Variants in KAZN observed in about 807,000 individuals in gnomAD.
KAZN encodes kazrin.
In KAZN, 40 loss-of-function variants were observed where a neutral mutation model predicts 87.4. That is an observed-to-expected ratio of 0.46 (90% CI 0.36 to 0.60). The LOEUF is 0.60. KAZN is among the 20% of genes least tolerant of loss of function. KAZN has a pLI of 0.00. For missense variants in KAZN, 898 were observed against 1,073.9 expected, an observed-to-expected ratio of 0.84 and a Z score of 2.29; for synonymous variants, 466 against 458.3, an observed-to-expected ratio of 1.02 and a Z score of -0.22.
At chr1:15,009,570 C>T (rs1263142338) in intron 2 of KAZN, among the ~76,000 whole-genome samples, 1 of 152,204 alleles carries the variant, frequency 6.6e-6, no homozygotes, top group African/African-American at 2.4e-5. Context: ...GGAGAGGCTG[C>T]TTTGAGCACC....
At chr1:13,987,500 T>C (rs924935013) in intron 1 of KAZN, among the ~76,000 whole-genome samples, 6 of 152,210 alleles carry the variant, frequency 3.9e-5, no homozygotes, top group African/African-American at 1.4e-4. Flanking sequence ...GCTTAGTCAA[T>C]TTCATGCTGC....
intron 1 of KAZN, among the ~76,000 whole-genome samples, chr1:14,831,287 AG>A (rs1214496151): frequency 6.6e-6 from 1 of 152,208 alleles, no homozygotes; most frequent in Non-Finnish European, 1.5e-5. Context: ...TCCTCCACCC[AG>A]GATGGAACTG....
intron 1 of KAZN, among the ~76,000 whole-genome samples, chr1:14,922,899 G>A (rs368130846): frequency 1.2e-3 from 185 of 152,256 alleles, no homozygotes; most frequent in African/African-American, 4.2e-3. Context: ...ATGCGGGGGC[G>A]GGGGGAAGCT....
chr1:15,037,927 G>T (rs1672504213), intron 3 of KAZN, among the ~76,000 whole-genome samples: 1 of 152,104 alleles, frequency 6.6e-6, no homozygotes, highest in South Asian at 2.1e-4. Flanking sequence ...AGCTCCCTGA[G>T]AACACATGCC....
chr1:14,787,376 C>T (rs1232364658), intron 1 of KAZN, among the ~76,000 whole-genome samples: 1 of 152,176 alleles, frequency 6.6e-6, no homozygotes. Flanking sequence ...AAGATCTGAT[C>T]AGTGACCAAG....
chr1:14,730,768 G>A (rs1643643225), intron 1 of KAZN, among the ~76,000 whole-genome samples: 1 of 152,168 alleles, frequency 6.6e-6, no homozygotes, highest in Non-Finnish European at 1.5e-5. Flanking sequence ...AGAGAATGAT[G>A]CTTTCTCAGA....
chr1:14,415,690 T>C (rs1004523963), intron 2 of KAZN, among the ~76,000 whole-genome samples: 1 of 152,158 alleles, frequency 6.6e-6, no homozygotes, highest in African/African-American at 2.4e-5. Context: ...TTGTGCAGTT[T>C]CCTATGGCAT....
At chr1:14,741,187 C>T (rs547635491) in intron 1 of KAZN, among the ~76,000 whole-genome samples, 52 of 152,306 alleles carry the variant, frequency 3.4e-4, no homozygotes, top group African/African-American at 1.2e-3. Context: ...CTTTTAAATG[C>T]GTGCATGAAT....
At chr1:14,902,262 G>A (rs927851066) in intron 1 of KAZN, among the ~76,000 whole-genome samples, 2 of 150,174 alleles carry the variant, frequency 1.3e-5, no homozygotes, top group African/African-American at 4.9e-5. Flanking sequence ...GTCTCGCTCT[G>A]TCACCCAGGC....
intron 1 of KAZN, among the ~76,000 whole-genome samples, chr1:14,713,592 T>C (rs1642604473): frequency 6.6e-6 from 1 of 151,798 alleles, no homozygotes; most frequent in Admixed American, 6.6e-5. Context: ...TAAACACTCT[T>C]CAGTACAGAG....
intron 1 of KAZN, among the ~76,000 whole-genome samples, chr1:14,016,909 C>T (rs1162296014): frequency 3.9e-5 from 6 of 152,068 alleles, no homozygotes; most frequent in South Asian, 2.1e-4. Flanking sequence ...TTTTACTTTC[C>T]GGGTTAATTC....
At chr1:13,905,398 T>TA (rs1049675828) in intron 1 of KAZN, among the ~76,000 whole-genome samples, 3 of 152,312 alleles carry the variant, frequency 2.0e-5, no homozygotes, top group Non-Finnish European at 4.4e-5. Flanking sequence ...TCCCTGGTAG[T>TA]ATAAATTTGA....
At chr1:14,954,920 C>T (rs1188649489) in intron 1 of KAZN, among the ~76,000 whole-genome samples, 3 of 152,152 alleles carry the variant, frequency 2.0e-5, no homozygotes, top group Non-Finnish European at 4.4e-5. Context: ...CCACTGTACT[C>T]CAGCCTGGGC....
chr1:14,048,161 A>AG (rs1281899369), intron 1 of KAZN, among the ~76,000 whole-genome samples: 1 of 152,188 alleles, frequency 6.6e-6, no homozygotes, highest in African/African-American at 2.4e-5. Flanking sequence ...TTTTTTGAGA[A>AG]TTAAATGGCA....
chr1:13,966,361 G>T (rs1175535769), intron 1 of KAZN, among the ~76,000 whole-genome samples: 6 of 152,166 alleles, frequency 3.9e-5, no homozygotes, highest in Non-Finnish European at 8.8e-5. Flanking sequence ...CTCTTTGCTT[G>T]AACTTCTTCT....
At chr1:14,150,237 T>C (rs572330966) in intron 1 of KAZN, among the ~76,000 whole-genome samples, 1 of 152,218 alleles carries the variant, frequency 6.6e-6, no homozygotes, top group Non-Finnish European at 1.5e-5. Flanking sequence ...CAGTTTGCTG[T>C]TGGTTAATGG....
chr1:14,880,621 T>G (rs79043689), intron 1 of KAZN, among the ~76,000 whole-genome samples: 2,705 of 152,168 alleles, frequency 0.018, 91 homozygotes, highest in African/African-American at 0.062. Context: ...GGGCTGGAAG[T>G]TCCTCTTCCA....
chr1:14,519,430 A>G (rs79103328), intron 2 of KAZN, among the ~76,000 whole-genome samples: 2,206 of 152,340 alleles, frequency 0.014, 32 homozygotes, highest in Non-Finnish European at 0.022. Flanking sequence ...CAAGAGCAGC[A>G]TACATGTCAG....
chr1:14,414,039 G>A (rs531649267), intron 2 of KAZN, among the ~76,000 whole-genome samples: 2 of 152,314 alleles, frequency 1.3e-5, no homozygotes, highest in South Asian at 4.1e-4. Flanking sequence ...AGATGCTACA[G>A]GCAGGAAGCC....
Sources: gnomAD v4.1 joint callset for allele counts (sites outside exome capture counted in the v4.1 genomes callset) on GRCh38, gnomAD v4.1.1 for gene constraint, MANE v1.5 for transcripts, NCBI Gene and HGNC (gene_info 2026-07-23, HGNC 2026-07-21) for gene names.